The following SLC39A11 variants were observed in gnomAD, a reference collection of about 807,000 sequenced individuals.
SLC39A11 encodes the protein zinc transporter ZIP11.
SLC39A11 carries 33 observed loss-of-function variants against 36.1 expected under a neutral mutation model. The observed-to-expected ratio is 0.91, with a 90% confidence interval of 0.69 to 1.22. The LOEUF (loss-of-function observed/expected upper bound fraction) is 1.22, where lower values mean the gene tolerates loss of function less well. Among genes scored for constraint, SLC39A11 ranks in the 50% most tolerant of loss-of-function variants. The probability of loss-of-function intolerance (pLI) is 0.00; values close to 1 mark genes in which losing one functional copy is unlikely to be tolerated. For missense variants in SLC39A11, 432 were observed against 430.3 expected (o/e 1.00, Z -0.03); for synonymous variants, 166 against 170.3 (o/e 0.97, Z 0.20).
chr17:72,795,066 A>G (rs898992580), intron 6 of SLC39A11, among the ~76,000 whole-genome samples: 1 of 152,168 alleles, frequency 6.6e-6, no homozygotes, highest in African/African-American at 2.4e-5. Context: ...TACGCAGAGT[A>G]TCAAATAATT....
chr17:73,023,073 G>A (rs1360758862), intron 4 of SLC39A11, among the ~76,000 whole-genome samples: 4 of 152,144 alleles, frequency 2.6e-5, no homozygotes, highest in Non-Finnish European at 5.9e-5. Context: ...AATTAGTACT[G>A]TGTATTTGTA....
chr17:72,825,777 T>A (rs2078005890), intron 6 of SLC39A11, among the ~76,000 whole-genome samples: 1 of 152,244 alleles, frequency 6.6e-6, no homozygotes, highest in Non-Finnish European at 1.5e-5. Flanking sequence ...ACTGCCCTGC[T>A]GGGTTTTGGA....
intron 5 of SLC39A11, among the ~76,000 whole-genome samples, chr17:72,885,548 T>G (rs1473818447): frequency 6.6e-6 from 1 of 152,142 alleles, no homozygotes; most frequent in Non-Finnish European, 1.5e-5. Context: ...CTCAACCAAC[T>G]AATCCCAAGG....
intron 3 of SLC39A11, among the ~76,000 whole-genome samples, chr17:73,047,996 T>A (rs200885111): frequency 0.049 from 2,426 of 49,372 alleles, 63 homozygotes; most frequent in East Asian, 0.13. Context: ...AAAAAATATA[T>A]ATATATATAT....
At chr17:72,718,456 T>C (rs2073508192) in intron 7 of SLC39A11, among the ~76,000 whole-genome samples, 2 of 152,152 alleles carry the variant, frequency 1.3e-5, no homozygotes, top group African/African-American at 4.8e-5. Flanking sequence ...AAAAAGTGTC[T>C]GACAAATTGG....
At chr17:72,649,102 A>G (rs939837559) in intron 8 of SLC39A11, 68 bp downstream of exon 8, 1 of 1,563,196 alleles carries the variant, frequency 6.4e-7, no homozygotes, top group African/African-American at 1.4e-5. Context: ...AAAGCACATC[A>G]CTGTTTTGTT....
intron 4 of SLC39A11, among the ~76,000 whole-genome samples, chr17:72,993,468 C>A (rs1170779470): frequency 6.6e-6 from 1 of 152,176 alleles, no homozygotes; most frequent in South Asian, 2.1e-4. Flanking sequence ...GGCTGAGAAC[C>A]ACTGTCCTAA....
chr17:72,967,406 G>GTA (rs2087087852), intron 4 of SLC39A11, among the ~76,000 whole-genome samples: 1 of 151,960 alleles, frequency 6.6e-6, no homozygotes, highest in South Asian at 2.1e-4. Flanking sequence ...GAGAGTGTGT[G>GTA]TGTGTGTGTG....
intron 5 of SLC39A11, among the ~76,000 whole-genome samples, chr17:72,916,791 T>C (rs1344168711): frequency 1.3e-5 from 2 of 152,050 alleles, no homozygotes; most frequent in Non-Finnish European, 2.9e-5. Flanking sequence ...CCCATCTCCC[T>C]CCGCACCTCA....
At chr17:72,996,896 C>T (rs939411555) in intron 4 of SLC39A11, among the ~76,000 whole-genome samples, 12 of 152,080 alleles carry the variant, frequency 7.9e-5, no homozygotes, top group Non-Finnish European at 4.4e-5. Flanking sequence ...CCTTAGGGAG[C>T]CTTGTTACTG....
intron 5 of SLC39A11, among the ~76,000 whole-genome samples, chr17:72,908,783 A>G (rs2147069523): frequency 6.6e-6 from 1 of 152,302 alleles, no homozygotes; most frequent in East Asian, 1.9e-4. Flanking sequence ...GGCAAATCCC[A>G]ATTGGATGGG....
intron 7 of SLC39A11, among the ~76,000 whole-genome samples, chr17:72,694,646 G>GAT (rs1211603763): frequency 6.6e-6 from 1 of 152,208 alleles, no homozygotes; most frequent in Non-Finnish European, 1.5e-5. Context: ...GAAGATGACG[G>GAT]ACAAAACTTG....
intron 5 of SLC39A11, among the ~76,000 whole-genome samples, chr17:72,943,734 T>C (rs559455634): frequency 2.0e-5 from 3 of 152,222 alleles, no homozygotes; most frequent in South Asian, 2.1e-4. Context: ...AATTCTCCTA[T>C]GCTAATAGAC....
At chr17:72,891,382 G>A (rs1024812082) in intron 5 of SLC39A11, among the ~76,000 whole-genome samples, 3 of 152,048 alleles carry the variant, frequency 2.0e-5, no homozygotes, top group African/African-American at 4.8e-5. Flanking sequence ...CTGCCTGGAC[G>A]CCCCTGCCAA....
At chr17:72,884,085 T>G (rs1270169591) in intron 5 of SLC39A11, among the ~76,000 whole-genome samples, 1 of 151,856 alleles carries the variant, frequency 6.6e-6, no homozygotes, top group Admixed American at 6.6e-5. Flanking sequence ...AGCTGGGAGG[T>G]CAAAGCTGCA....
intron 6 of SLC39A11, among the ~76,000 whole-genome samples, chr17:72,767,126 T>C (rs2075785021): frequency 6.6e-6 from 1 of 152,236 alleles, no homozygotes; most frequent in South Asian, 2.1e-4. Context: ...CCTCTCAGGT[T>C]TATTCTCCAA....
At position 73,018,547 on chromosome 17, in the gene SLC39A11, C is replaced by CA. The variant is rs200885571; in HGVS notation, c.306+13008dup. Among the ~76,000 whole-genome samples the CA allele has an allele frequency of 8.7e-3, 1,306 of 149,718 alleles. 18 individuals carry two copies. Among genetic ancestry groups the CA allele is most frequent in the African/African-American group, 0.03 (1,239 of 40,750 alleles). On this transcript the variant is annotated intron_variant, in intron 4 of 9. Transcript: ENST00000255559. ...TGGGAAACACGGCAAGACTCCATAA[C>CA]AAAAAAAAACAATAAAGTAAAAATA...
chr17:72,770,409 C>T (rs2075892437), intron 6 of SLC39A11, among the ~76,000 whole-genome samples: 1 of 152,294 alleles, frequency 6.6e-6, no homozygotes, highest in Non-Finnish European at 1.5e-5. Flanking sequence ...GTTGTAGGCC[C>T]ATTCCAGTGG....
At chr17:72,673,049 A>G (rs1372734291) in intron 7 of SLC39A11, among the ~76,000 whole-genome samples, 7 of 152,212 alleles carry the variant, frequency 4.6e-5, no homozygotes, top group South Asian at 2.1e-4. Flanking sequence ...CGGCCCTTAA[A>G]AGAAACAGTT....
Sources: gnomAD v4.1 joint callset for allele counts (sites outside exome capture counted in the v4.1 genomes callset) on GRCh38, gnomAD v4.1.1 for gene constraint, MANE v1.5 for transcripts, NCBI Gene and HGNC (gene_info 2026-07-23, HGNC 2026-07-21) for gene names.